Variants in SPATA16 observed in about 807,000 individuals in gnomAD.
SPATA16 encodes spermatogenesis associated 16.
A neutral mutation model predicts 63.3 loss-of-function variants in SPATA16; 36 were observed. That is an observed-to-expected ratio of 0.57 (90% confidence interval 0.44 to 0.75). The LOEUF (loss-of-function observed/expected upper bound fraction) is 0.75. Ranked by LOEUF, SPATA16 falls within the 30% of genes least tolerant of loss-of-function variation. SPATA16 has a pLI of 0.00. For missense variants in SPATA16, 646 were observed against 679.3 expected (o/e 0.95, Z 0.54); for synonymous variants, 203 against 216.7 (o/e 0.94, Z 0.56).
chr3:172,986,107 A>G (rs1454882992), intron 4 of SPATA16, among the ~76,000 whole-genome samples: 1 of 152,126 alleles, frequency 6.6e-6, no homozygotes, highest in African/African-American at 2.4e-5. Context: ...TTTGCTTTTT[A>G]GGTATGGGTT....
At chr3:173,110,717 C>T (rs564171196) in intron 2 of SPATA16, among the ~76,000 whole-genome samples, 1 of 152,300 alleles carries the variant, frequency 6.6e-6, no homozygotes, top group African/African-American at 2.4e-5. Flanking sequence ...ATAGCATCAG[C>T]GCAGCATCAA....
At chr3:172,897,984 C>T (rs1354595352) in intron 10 of SPATA16, among the ~76,000 whole-genome samples, 2 of 151,794 alleles carry the variant, frequency 1.3e-5, no homozygotes, top group Non-Finnish European at 2.9e-5. Flanking sequence ...CAATTTTGTC[C>T]AATGCTTTTT....
rs115925807 is a variant in SPATA16, at chr3:173,031,675, A to C, written c.759-12100T>G. Among the ~76,000 whole-genome samples, 530 of 152,194 alleles carry C rather than the reference A, an allele frequency of 3.5e-3. 2 individuals are homozygous for C. Among genetic ancestry groups the C allele is most frequent in the African/African-American group, 0.012 (514 of 41,570 alleles). The stretch of plus-strand genomic sequence containing the variant: ...TGAGAATAGAAAGAAAACTTATGCA[A>C]CAGTGCTGTCACTATACAGAGATTC... On this transcript the variant is annotated intron_variant, in intron 3 of 10. Transcript: ENST00000351008.
At chr3:173,133,518 C>G (rs982274213) in intron 1 of SPATA16, among the ~76,000 whole-genome samples, 1 of 152,168 alleles carries the variant, frequency 6.6e-6, no homozygotes, top group Admixed American at 6.5e-5. Flanking sequence ...ACTCTCTCCT[C>G]AGAGATCTGA....
chr3:173,117,447 C>G lies in SPATA16; in HGVS notation c.285G>C (p.Lys95Asn). The G allele has an allele frequency of 6.2e-7, 1 of 1,614,144 alleles. No individual in the cohort carries two copies. Among genetic ancestry groups the G allele is most frequent in the Non-Finnish European group, 8.5e-7 (1 of 1,180,004 alleles). Residue 95 changes from lysine to asparagine, a missense_variant, in exon 2 of 11, where the codon AAG becomes AAC. Coordinates refer to ENST00000351008, the MANE Select transcript of SPATA16 (RefSeq NM_031955.6). ...CAAGTTCTGTTATCTTTGCCTGTTT[C>G]TTTCTAGTTGGCTTTTCTTCACCTT... The part of the protein sequence containing the change: ...KAEGEEKPTR[K>N]KQAKITELDN...
In SPATA16 at chr3:172,961,079, TTCCTTCCTTCCTTCCTTC is replaced by T. The variant is rs1560080405; in HGVS notation, c.934-4273_934-4256del. On this transcript the variant is annotated intron_variant, in intron 5 of 10. Transcript: ENST00000351008. ...TCTTTCTTTCTTCTTTCTTCCTTCC[TTCCTTCCTTCCTTCCTTC>T]CTTCCTTCCTTCCTTCCTTCCTTCC... is the stretch of plus-strand genomic sequence containing the variant. Among the ~76,000 whole-genome samples the T allele has an allele frequency of 1.1e-3, 146 of 137,492 alleles. 1 individual carries two copies. The highest frequency in any genetic ancestry group is 4.0e-3 in the African/African-American group (140 of 34,586). The allele number at this position is 137,492 out of a possible 152,430, so 90.2% of individuals were successfully genotyped here.
At chr3:173,066,603 C>T (rs1225699365) in intron 2 of SPATA16, among the ~76,000 whole-genome samples, 5 of 152,216 alleles carry the variant, frequency 3.3e-5, no homozygotes, top group Non-Finnish European at 7.3e-5. Context: ...GGGCTTAGGG[C>T]ACTACCTAGT....
At chr3:172,967,304 G>A (rs1010540982) in intron 5 of SPATA16, among the ~76,000 whole-genome samples, 6 of 152,130 alleles carry the variant, frequency 3.9e-5, no homozygotes, top group Admixed American at 3.9e-4. Context: ...TAAAGAAAAA[G>A]CTGCATTTAA....
intron 2 of SPATA16, among the ~76,000 whole-genome samples, chr3:173,058,262 C>G (rs1031804578): frequency 3.3e-5 from 5 of 151,896 alleles, no homozygotes; most frequent in African/African-American, 1.2e-4. Flanking sequence ...TATTAGATCT[C>G]CATTTAATGG....
chr3:172,987,343 T>C (rs1417531694), intron 4 of SPATA16, among the ~76,000 whole-genome samples: 5 of 152,200 alleles, frequency 3.3e-5, no homozygotes. Flanking sequence ...CACTCATTTT[T>C]CAAGAGCTCC....
chr3:173,058,912 T>C (rs1203812750), intron 2 of SPATA16, among the ~76,000 whole-genome samples: 1 of 152,116 alleles, frequency 6.6e-6, no homozygotes, highest in Non-Finnish European at 1.5e-5. Flanking sequence ...TGAAAAAGTC[T>C]AAGCCCAGCT....
intron 10 of SPATA16, among the ~76,000 whole-genome samples, chr3:172,904,132 G>T (rs1315680258): frequency 6.6e-6 from 1 of 152,186 alleles, no homozygotes; most frequent in Non-Finnish European, 1.5e-5. Flanking sequence ...GAGAGATAAA[G>T]ATGTCTCTCT....
intron 3 of SPATA16, among the ~76,000 whole-genome samples, chr3:173,047,204 C>CTTT (rs563129322): frequency 7.3e-4 from 104 of 142,904 alleles, no homozygotes; most frequent in African/African-American, 2.6e-3. Context: ...GTTCTCATTA[C>CTTT]TTTTTTTTTT....
At chr3:172,924,071 G>C (rs903188554) in intron 8 of SPATA16, 137 bp downstream of exon 8, 41 of 698,712 alleles carry the variant, frequency 5.9e-5, no homozygotes, top group Non-Finnish European at 6.7e-5. Context: ...AAATTTGCTT[G>C]TTTTTGCAAA....
chr3:173,050,900 A>AT (rs921776424), intron 2 of SPATA16, among the ~76,000 whole-genome samples: 7 of 152,318 alleles, frequency 4.6e-5, no homozygotes, highest in African/African-American at 1.7e-4. Flanking sequence ...TTTAAACCAG[A>AT]TTTAGTAATT....
rs1553786396 is a variant in SPATA16, at chr3:172,961,065, TCTTTCTTC to T, written c.934-4249_934-4242del. Among the ~76,000 whole-genome samples the T allele has an allele frequency of 1.1e-3, 43 of 40,162 alleles. 1 individual carries two copies. The highest frequency in any genetic ancestry group is 7.4e-3 in the East Asian group (13 of 1,760). 26.3% of individuals were successfully genotyped at this position (40,162 alleles called of 152,430 possible). On this transcript the variant is annotated intron_variant, in intron 5 of 10. Coordinates refer to ENST00000351008, the MANE Select transcript of SPATA16 (RefSeq NM_031955.6). Reference sequence around the variant, plus strand: ...CTTTCTTTCTTCTTTCTTTCTTTCTTCTTTCTTCCTTCCTTCCTTCCTTCCTTCCTTCC... The same window carrying T: ...CTTTCTTTCTTCTTTCTTTCTTTCTTCTTCCTTCCTTCCTTCCTTCCTTCC...
chr3:172,994,295 A>C (rs1037124621), intron 4 of SPATA16, among the ~76,000 whole-genome samples: 3 of 152,134 alleles, frequency 2.0e-5, no homozygotes, highest in Non-Finnish European at 4.4e-5. Flanking sequence ...CATTCACGGA[A>C]TATCCACTAG....
intron 4 of SPATA16, among the ~76,000 whole-genome samples, chr3:173,017,082 A>G (rs558380504): frequency 2.0e-5 from 3 of 152,062 alleles, no homozygotes; most frequent in Admixed American, 2.0e-4. Context: ...AGCTGCTAAG[A>G]TACACTACGA....
chr3:173,050,803 A>G (rs561939065), intron 2 of SPATA16, among the ~76,000 whole-genome samples: 1 of 152,234 alleles, frequency 6.6e-6, no homozygotes, highest in African/African-American at 2.4e-5. Context: ...TTTGTGGAAG[A>G]TACACTGGAA....
Sources: gnomAD v4.1 joint callset for allele counts (sites outside exome capture counted in the v4.1 genomes callset) on GRCh38, gnomAD v4.1.1 for gene constraint, MANE v1.5 for transcripts, NCBI Gene and HGNC (gene_info 2026-07-23, HGNC 2026-07-21) for gene names.